The following EIF4G3 variants were observed in gnomAD, a reference collection of about 807,000 sequenced individuals.
The protein encoded by EIF4G3 is eIF-4-gamma 3.
EIF4G3 carries 34 observed loss-of-function variants against 186.4 expected under a neutral mutation model. The observed-to-expected ratio is 0.18, with a 90% CI of 0.14 to 0.24. The LOEUF (loss-of-function observed/expected upper bound fraction) is 0.24. Ranked by LOEUF, EIF4G3 falls within the 10% of genes least tolerant of loss-of-function variation. EIF4G3 has a pLI of 1.00. For synonymous variants in EIF4G3, 673 were observed against 679.5 expected (o/e 0.99, Z 0.15); for missense variants, 1,536 against 1,948.5 (o/e 0.79, Z 3.99).
intron 2 of EIF4G3, among the ~76,000 whole-genome samples, chr1:21,136,557 C>T (rs2097251005): frequency 6.6e-6 from 1 of 151,988 alleles, no homozygotes; most frequent in Non-Finnish European, 1.5e-5. Context: ...ACCATACTCC[C>T]TTGCCTTAAC....
At chr1:20,814,561 C>T (rs1485357744) in intron 34 of EIF4G3, among the ~76,000 whole-genome samples, 2 of 152,060 alleles carry the variant, frequency 1.3e-5, no homozygotes, top group African/African-American at 4.8e-5. Context: ...TTAATGACTA[C>T]TTACTCAGAA....
chr1:21,136,108 G>T (rs370973980), intron 2 of EIF4G3, among the ~76,000 whole-genome samples: 1 of 152,092 alleles, frequency 6.6e-6, no homozygotes, highest in South Asian at 2.1e-4. Context: ...GCGTGAACCC[G>T]GGAAGCGGAG....
At chr1:20,987,009 T>C (rs1299810394) in intron 7 of EIF4G3, among the ~76,000 whole-genome samples, 1 of 152,158 alleles carries the variant, frequency 6.6e-6, no homozygotes, top group African/African-American at 2.4e-5. Flanking sequence ...TAGGATACTT[T>C]TAAAACAGAG....
intron 14 of EIF4G3, among the ~76,000 whole-genome samples, chr1:20,926,601 A>G (rs920904506): frequency 6.6e-6 from 1 of 151,204 alleles, no homozygotes; most frequent in Non-Finnish European, 1.5e-5. Context: ...CAGGAGGTCA[A>G]CTCTGCAGTG....
intron 4 of EIF4G3, among the ~76,000 whole-genome samples, chr1:21,020,343 A>G (rs2090377576): frequency 6.6e-6 from 1 of 152,108 alleles, no homozygotes; most frequent in African/African-American, 2.4e-5. Flanking sequence ...TTTAAAAATT[A>G]CCCAGGCATG....
At chr1:20,930,204 A>G (rs955779854) in intron 14 of EIF4G3, among the ~76,000 whole-genome samples, 1 of 152,164 alleles carries the variant, frequency 6.6e-6, no homozygotes, top group South Asian at 2.1e-4. Flanking sequence ...TGCTGCCCTC[A>G]TCAGGATGGT....
intron 4 of EIF4G3, among the ~76,000 whole-genome samples, chr1:21,005,508 G>GGGTACGGGAATGGGATC: frequency 6.6e-6 from 1 of 152,134 alleles, no homozygotes. Context: ...CATAGCTGTC[G>GGGTACGGGAATGGGATC]TACTATTGAA....
chr1:20,912,516 G>A (rs955741798), intron 14 of EIF4G3, among the ~76,000 whole-genome samples: 1 of 151,982 alleles, frequency 6.6e-6, no homozygotes, highest in African/African-American at 2.4e-5. Context: ...CCAGAGTCTG[G>A]GTCTCTTAGA....
intron 7 of EIF4G3, among the ~76,000 whole-genome samples, chr1:20,996,563 A>G (rs2082325242): frequency 1.3e-5 from 2 of 152,194 alleles, no homozygotes; most frequent in African/African-American, 4.8e-5. Flanking sequence ...CTTCAACTAA[A>G]CAATATCCAT....
At chr1:20,999,763 T>A in intron 6 of EIF4G3, 1 of 451,498 alleles carries the variant, frequency 2.2e-6, no homozygotes, top group Non-Finnish European at 4.5e-6. Context: ...ATAGTCTTAA[T>A]CCTATGGGTA....
chr1:21,053,001 ACC>A, intron 3 of EIF4G3, among the ~76,000 whole-genome samples: 1 of 149,980 alleles, frequency 6.7e-6, no homozygotes, highest in Admixed American at 6.6e-5. Flanking sequence ...CCCGGCCGCC[ACC>A]CCGTCTGGGA....
chr1:21,131,162 C>G (rs979649262), intron 2 of EIF4G3, among the ~76,000 whole-genome samples: 5 of 150,902 alleles, frequency 3.3e-5, no homozygotes, highest in African/African-American at 1.2e-4. Context: ...ATCACTTGAA[C>G]CCAGGAGATG....
At chr1:21,155,609 T>C (rs1434063319) in intron 2 of EIF4G3, among the ~76,000 whole-genome samples, 5 of 151,938 alleles carry the variant, frequency 3.3e-5, no homozygotes, top group South Asian at 4.2e-4. Flanking sequence ...TGCGGGAGAA[T>C]TGCTTGAGCC....
At chr1:21,104,971 A>G (rs2096588944) in intron 2 of EIF4G3, among the ~76,000 whole-genome samples, 1 of 152,202 alleles carries the variant, frequency 6.6e-6, no homozygotes, top group Non-Finnish European at 1.5e-5. Context: ...AAAACCAAAT[A>G]CTGCATGTTC....
chr1:21,064,628 T>A (rs1265756883), intron 3 of EIF4G3: 2 of 152,146 alleles, frequency 1.3e-5, no homozygotes, highest in Non-Finnish European at 2.9e-5. Context: ...AAAACCTTGA[T>A]CAGTTAGGAA....
intron 4 of EIF4G3, among the ~76,000 whole-genome samples, chr1:21,026,477 G>T (rs1335808601): frequency 6.6e-6 from 1 of 150,892 alleles, no homozygotes; most frequent in African/African-American, 2.4e-5. Context: ...TGAAACACTG[G>T]ATTTGGCAAT....
chr1:21,173,069 G>A (rs1302940457), intron 2 of EIF4G3, among the ~76,000 whole-genome samples: 1 of 147,696 alleles, frequency 6.8e-6, no homozygotes, highest in Non-Finnish European at 1.5e-5. Context: ...AACCCAAGAG[G>A]CGGAGGTTGC....
chr1:20,813,664 C>T lies in EIF4G3; in HGVS notation c.4516-425G>A, dbSNP rs1269071887. On this transcript the variant is annotated intron_variant, in intron 34 of 36. Coordinates refer to ENST00000602326, the MANE Select transcript of EIF4G3 (RefSeq NM_001391906.1). ...GATGGATCACCTGAGGTCAGGAGTT[C>T]GAGACCAATCTGGCCAACATGGTGA... Among the ~76,000 whole-genome samples the T allele has an allele frequency of 4.0e-5, 6 of 151,862 alleles. No homozygotes were observed. In the East Asian group the frequency reaches 7.9e-4, roughly 20 times the overall value.
At chr1:20,988,288 A>G (rs922172104) in intron 7 of EIF4G3, 1 of 170,424 alleles carries the variant, frequency 5.9e-6, no homozygotes, top group African/African-American at 2.4e-5. Context: ...AAGTGCCTAC[A>G]CTAAACACAT....
Sources: gnomAD v4.1 joint callset for allele counts (sites outside exome capture counted in the v4.1 genomes callset) on GRCh38, gnomAD v4.1.1 for gene constraint, MANE v1.5 for transcripts, NCBI Gene and HGNC (gene_info 2026-07-23, HGNC 2026-07-21) for gene names.